NDUFC2: variants seen among roughly 807,000 people sequenced by gnomAD.
NDUFC2 encodes the protein NADH:ubiquinone oxidoreductase subunit C2, also known as NADH dehydrogenase [ubiquinone] 1 subunit C2.
In NDUFC2, 2 loss-of-function variants were observed where a neutral mutation model predicts 10.1. The ratio of observed to expected loss-of-function variants is 0.20; its 90% CI spans 0.08 to 0.62. The LOEUF (loss-of-function observed/expected upper bound fraction) is 0.62. NDUFC2 is among the 20% of genes least tolerant of loss of function. The probability of loss-of-function intolerance (pLI) is 0.87; values close to 1 mark genes in which losing one functional copy is unlikely to be tolerated. For synonymous variants in NDUFC2, 61 were observed against 63.6 expected, an observed-to-expected ratio of 0.96 and a Z score of 0.20; for missense variants, 156 against 159.6, an observed-to-expected ratio of 0.98 and a Z score of 0.12.
rs1172562909 is a variant in NDUFC2 at position 78,068,924 on chromosome 11, T to C, written c.*1063A>G. ...CTCCTTTGTCACCCAGGCTGGAGTG[T>C]CACCCAGGCTGCAGTGAACTGTGAC... On this transcript the variant is annotated 3_prime_UTR_variant, in exon 3 of 3. Transcript: ENST00000281031. 6.6e-6 allele frequency: 1 copy of C among 152,020 alleles called. No homozygotes were observed. Among genetic ancestry groups the C allele is most frequent in the East Asian group, 1.9e-4 (1 of 5,200 alleles). 9.4% of individuals were successfully genotyped at this position (152,020 alleles called of 1,614,324 possible). A position where few individuals can be genotyped will look rare whatever the true frequency, so the allele number is the denominator to read the frequency against.
chr11:78,079,516 G>GGGCCAGTCTGCAGCCCTACGACCC, intron 1 of NDUFC2, 63 bp downstream of exon 1: 1 of 1,517,348 alleles, frequency 6.6e-7, no homozygotes, highest in Non-Finnish European at 8.8e-7. Context: ...GCCTACGGCC[G>GGGCCAGTCTGCAGCCCTACGACCC]GGCCAGTCTG....
At chr11:78,078,381 A>G (rs1859339736) in intron 1 of NDUFC2, among the ~76,000 whole-genome samples, 1 of 152,168 alleles carries the variant, frequency 6.6e-6, no homozygotes, top group African/African-American at 2.4e-5. Context: ...AACACCCTCC[A>G]TTCAGAGGTC....
In NDUFC2 at chr11:78,069,997, G is replaced by A. The variant is rs748063383; in HGVS notation, c.350C>T (p.Pro117Leu). 25 of 1,607,450 alleles carry A rather than the reference G, an allele frequency of 1.6e-5. No individual in the cohort carries two copies. Among genetic ancestry groups the A allele is most frequent in the Non-Finnish European group, 1.9e-5 (22 of 1,176,580 alleles). The stretch of plus-strand genomic sequence containing the variant: ...AGCATTTTGAAGACTTCAACGTATT[G>A]GATGGAATTTTTCAAAAATTTCACC... The part of the protein sequence containing the change: ...TYGEIFEKFH[P>L]IR Residue 117 changes from proline to leucine, a missense_variant, in exon 3 of 3, where the codon CCA becomes CTA. Transcript: ENST00000281031.
At chr11:78,071,157 A>C (rs532898743) in intron 2 of NDUFC2, among the ~76,000 whole-genome samples, 2 of 152,340 alleles carry the variant, frequency 1.3e-5, no homozygotes, top group East Asian at 3.9e-4. Context: ...GGGAATATTA[A>C]AGAGTAATAA....
At chr11:78,077,038 C>T (rs1384676168) in intron 1 of NDUFC2, among the ~76,000 whole-genome samples, 2 of 152,142 alleles carry the variant, frequency 1.3e-5, no homozygotes, top group African/African-American at 4.8e-5. Flanking sequence ...ACACCTATAA[C>T]CCCAGCACTC....
intron 2 of NDUFC2, 143 bp from the exon 3 acceptor site, chr11:78,070,179 A>C: frequency 1.5e-6 from 1 of 661,062 alleles, no homozygotes. Flanking sequence ...AAGTTCATAA[A>C]TTGAAATGTA....
intron 2 of NDUFC2, among the ~76,000 whole-genome samples, chr11:78,071,923 C>T (rs1044615944): frequency 6.6e-6 from 1 of 152,176 alleles, no homozygotes; most frequent in Admixed American, 6.5e-5. Context: ...AGGAAGTATT[C>T]CATACGGTTC....
intron 1 of NDUFC2, among the ~76,000 whole-genome samples, chr11:78,077,735 T>C (rs1258497614): frequency 1.3e-5 from 2 of 152,186 alleles, no homozygotes; most frequent in African/African-American, 4.8e-5. Flanking sequence ...TTTTAAATTT[T>C]TTTGTAGAGA....
chr11:78,072,005 C>T (rs998294074), intron 2 of NDUFC2, among the ~76,000 whole-genome samples: 2 of 151,964 alleles, frequency 1.3e-5, no homozygotes, highest in Non-Finnish European at 2.9e-5. Flanking sequence ...GAAACAAAGA[C>T]GAAGCTACAA....
intron 1 of NDUFC2, among the ~76,000 whole-genome samples, 166 bp downstream of exon 1, chr11:78,079,413 A>C (rs114308521): frequency 0.021 from 3,271 of 152,180 alleles, 115 homozygotes; most frequent in African/African-American, 0.075. Flanking sequence ...GCTCTGCTTG[A>C]TTCTAAAGAG....
chr11:78,079,652 G>A lies in NDUFC2; in HGVS notation c.93C>T (p.Leu31=), dbSNP rs774129991. 41 of 1,600,608 alleles carry A rather than the reference G, an allele frequency of 2.6e-5. No individual in the cohort carries two copies. The Middle Eastern group carries it at 5.1e-4, about 20-fold the overall frequency. Residue 31 remains leucine, a synonymous_variant, in exon 1 of 3, where the codon CTC becomes CTT. Transcript: ENST00000281031. ...PPPKLTDPRL[L]YIGFLGYCSG... ...AGCAGTAGCCCAAGAAGCCGATGTA[G>A]AGGAGCCGCGGGTCGGTCAGCTTGG...
In NDUFC2 at chr11:78,069,863, C is replaced by T. The variant is rs560591022; in HGVS notation, c.*124G>A. Reference sequence around the variant, plus strand: ...ATAAAGAGTCAGAGTACTCATGGTACGTATTTTAATTACAAGGTGTCAACA... The same window carrying T: ...ATAAAGAGTCAGAGTACTCATGGTATGTATTTTAATTACAAGGTGTCAACA... On this transcript the variant is annotated 3_prime_UTR_variant, in exon 3 of 3. Transcript: ENST00000281031. 25 of 1,593,740 alleles carry T rather than the reference C, an allele frequency of 1.6e-5. No homozygotes were observed. Among genetic ancestry groups the T allele is most frequent in the East Asian group, 1.1e-4 (5 of 44,676 alleles).
intron 2 of NDUFC2, among the ~76,000 whole-genome samples, chr11:78,072,161 CTTAT>C (rs983389620): frequency 5.5e-4 from 82 of 149,690 alleles, no homozygotes; most frequent in African/African-American, 1.9e-3. Context: ...CAATGGATGA[CTTAT>C]TTATTTTATT....
rs946965617 is a variant in NDUFC2, at chr11:78,075,883, C to T, written c.167-2742G>A. ...GATTACAGGTGTGAGCCACGGTGTC[C>T]GGCCAGAATATCCCATTACTCACAG... On this transcript the variant is annotated intron_variant, in intron 1 of 2. Coordinates refer to ENST00000281031, the MANE Select transcript of NDUFC2 (RefSeq NM_004549.6). Among the ~76,000 whole-genome samples the T allele has an allele frequency of 8.5e-5, 13 of 152,064 alleles. 1 individual carries two copies. Among genetic ancestry groups the T allele is most frequent in the Non-Finnish European group, 1.2e-4 (8 of 67,996 alleles).
At position 78,079,630 on chromosome 11, in the gene NDUFC2, A is replaced by C; in HGVS notation, c.115T>G (p.Cys39Gly). ...RLLYIGFLGY[C>G]SGLIDNLIRR... ...ATTAGGTTATCAATCAGGCCGGAGC[A>C]GTAGCCCAAGAAGCCGATGTAGAGG... Residue 39 changes from cysteine to glycine, a missense_variant, in exon 1 of 3, where the codon TGC (cysteine) becomes GGC (glycine). Cys to Gly is a radical substitution (Grantham distance 159, BLOSUM62 -3). Transcript: ENST00000281031. The C allele has an allele frequency of 6.3e-7, 1 of 1,578,906 alleles. No individual in the cohort carries two copies.
At chr11:78,072,942 A>G in intron 2 of NDUFC2, 56 bp downstream of exon 2, 1 of 1,589,504 alleles carries the variant, frequency 6.3e-7, no homozygotes, top group Non-Finnish European at 8.5e-7. Context: ...GATAAGATTA[A>G]CCAGGGAAAA....
chr11:78,077,224 C>G (rs1859285676), intron 1 of NDUFC2, among the ~76,000 whole-genome samples: 1 of 151,146 alleles, frequency 6.6e-6, no homozygotes. Context: ...CCCAGGAGGT[C>G]GAGGCTGCAG....
intron 2 of NDUFC2, among the ~76,000 whole-genome samples, chr11:78,072,407 A>C (rs1479430787): frequency 6.6e-6 from 1 of 152,136 alleles, no homozygotes; most frequent in African/African-American, 2.4e-5. Flanking sequence ...CAAACTCCTG[A>C]CCTCAGGTGA....
At chr11:78,077,589 T>C (rs1038859386) in intron 1 of NDUFC2, among the ~76,000 whole-genome samples, 1 of 152,158 alleles carries the variant, frequency 6.6e-6, no homozygotes, top group Non-Finnish European at 1.5e-5. Flanking sequence ...AGGTCTCAAC[T>C]TTGTTGCCCA....
Sources: allele counts gnomAD v4.1 joint callset (sites outside exome capture counted in the v4.1 genomes callset), GRCh38; gene constraint gnomAD v4.1.1; transcripts MANE v1.5; gene names NCBI Gene and HGNC (gene_info 2026-07-23, HGNC 2026-07-21).